Variants in ZCWPW1 observed in about 807,000 individuals in gnomAD.
ZCWPW1 encodes zinc finger CW-type PWWP domain protein 1.
Under a neutral mutation model 81.3 loss-of-function variants are expected in ZCWPW1, and 56 were observed. That is an observed-to-expected ratio of 0.69 (90% CI 0.56 to 0.86). ZCWPW1 has a LOEUF of 0.86. ZCWPW1 is among the 40% of genes least tolerant of loss of function. ZCWPW1 has a pLI of 0.00. For missense variants in ZCWPW1, 650 were observed against 769.8 expected, an observed-to-expected ratio of 0.84 and a Z score of 1.84; for synonymous variants, 250 against 273.7, an observed-to-expected ratio of 0.91 and a Z score of 0.86.
intron 2 of ZCWPW1, among the ~76,000 whole-genome samples, chr7:100,422,324 A>G (rs1296720037): frequency 2.0e-5 from 3 of 152,216 alleles, no homozygotes; most frequent in African/African-American, 7.2e-5. Context: ...ATACATTAAT[A>G]GCGTATACTG....
In ZCWPW1 at chr7:100,417,044, T is replaced by G. The variant is rs547987159; in HGVS notation, c.479+22A>C. 353 of 1,569,084 alleles carry G rather than the reference T, an allele frequency of 2.2e-4. 5 individuals carry two copies. The South Asian group carries it at 3.8e-3, about 17-fold the overall frequency. On this transcript the variant is annotated intron_variant, in intron 6 of 17. Coordinates refer to ENST00000684423, the MANE Select transcript of ZCWPW1 (RefSeq NM_001386010.1). ...TGTGTAGTCCATTCTGTGTTCAACT[T>G]GCCTCACTGAAATAAACTTACCCAT...
At chr7:100,408,397 C>G (rs1793497413) in intron 10 of ZCWPW1, 142 bp downstream of exon 10, 1 of 1,220,314 alleles carries the variant, frequency 8.2e-7, no homozygotes, top group Non-Finnish European at 1.1e-6. Context: ...AGGCTTGGTA[C>G]TTTATCTTTT....
At chr7:100,423,213 T>C (rs796104280) in intron 2 of ZCWPW1, among the ~76,000 whole-genome samples, 7 of 152,306 alleles carry the variant, frequency 4.6e-5, no homozygotes, top group African/African-American at 1.7e-4. Context: ...CCCAGGACTT[T>C]TGCCTCTCAA....
intron 8 of ZCWPW1, among the ~76,000 whole-genome samples, chr7:100,414,500 C>T (rs1466064226): frequency 6.6e-6 from 1 of 152,080 alleles, no homozygotes; most frequent in Non-Finnish European, 1.5e-5. Context: ...ACTGCAGCCT[C>T]CAATTCCTGG....
At position 100,404,995 on chromosome 7, in the gene ZCWPW1, G is replaced by T. The variant is rs753016718; in HGVS notation, c.1254+18C>A. Reference sequence around the variant, plus strand: ...AAGAGTAGGGAAAGGAATGGGTGTGGTCTGAACACCCTCCCACCTGAATGC... The same window carrying T: ...AAGAGTAGGGAAAGGAATGGGTGTGTTCTGAACACCCTCCCACCTGAATGC... On this transcript the variant is annotated intron_variant, in intron 13 of 17. Coordinates refer to ENST00000684423, the MANE Select transcript of ZCWPW1 (RefSeq NM_001386010.1). The T allele has an allele frequency of 6.2e-7, 1 of 1,610,868 alleles. No individual in the cohort carries two copies. The highest frequency in any genetic ancestry group is 1.1e-5 in the South Asian group (1 of 91,000).
At chr7:100,416,591 C>A in intron 6 of ZCWPW1, 135 bp from the exon 7 acceptor site, 1 of 860,110 alleles carries the variant, frequency 1.2e-6, no homozygotes, top group Non-Finnish European at 1.8e-6. Context: ...TTTCATCCAT[C>A]TACTTGCCTA....
chr7:100,406,799 C>A lies in ZCWPW1; in HGVS notation c.1069-1G>T. 6.2e-7 allele frequency: 1 copy of A among 1,613,774 alleles called. No homozygotes were observed. The highest frequency in any genetic ancestry group is 1.3e-5 in the African/African-American group (1 of 75,032). On this transcript the variant is annotated splice_acceptor_variant, in intron 11 of 17. Transcript: ENST00000684423. LOFTEE classifies it high-confidence loss of function. ...CAAAAAACGTCACATGGTACTTAGA[C>A]TGAAATAAAAGATGATCCTGTTACG...
In ZCWPW1 at chr7:100,406,832, G is replaced by A. The variant is rs1198993868; in HGVS notation, c.1069-34C>T. ...AAAGATGATCCTGTTACGGACTCCT[G>A]TCCTGCTCCCTGCTTTTCTCCTCTA... On this transcript the variant is annotated intron_variant, in intron 11 of 17. Transcript: ENST00000684423. 8 of 1,580,016 alleles carry A rather than the reference G, an allele frequency of 5.1e-6. No homozygotes were observed. In the South Asian group the frequency reaches 8.9e-5, roughly 18 times the overall value.
rs1440122223 is a variant in ZCWPW1, at chr7:100,416,081, C to G, written c.648G>C (p.Glu216Asp). The change falls in exon 8 of 18, where the codon GAG (glutamate) becomes GAC (aspartate). Residue 216 changes from glutamate to aspartate, a missense_variant. Transcript: ENST00000684423. ...RKKEAQDEKV[E>D]KTQGGHEHRQ... The stretch of plus-strand genomic sequence containing the variant: ...TGTGCTCATGTCCACCTTGAGTTTT[C>G]TCCACCTTCTCATCTTCTGGGAAGA... 1.2e-6 allele frequency: 2 copies of G among 1,613,834 alleles called. No individual in the cohort carries two copies. The highest frequency in any genetic ancestry group is 2.7e-5 in the African/African-American group (2 of 74,926).
At chr7:100,401,416 C>A in intron 17 of ZCWPW1, 80 bp from the exon 18 acceptor site, 1 of 1,252,568 alleles carries the variant, frequency 8.0e-7, no homozygotes, top group South Asian at 1.7e-5. Context: ...TCCTAAATCT[C>A]TATTTCCAAG....
At chr7:100,402,243 T>C in intron 16 of ZCWPW1, 1 of 789,476 alleles carries the variant, frequency 1.3e-6, no homozygotes, top group Non-Finnish European at 2.1e-6. Flanking sequence ...GATCTTCTTC[T>C]CTTTACAGTT....
intron 16 of ZCWPW1, 195 bp from the exon 17 acceptor site, chr7:100,402,236 C>T: frequency 1.2e-6 from 1 of 802,334 alleles, no homozygotes; most frequent in Non-Finnish European, 2.0e-6. Context: ...TCCCCTGGAT[C>T]TTCTTCTCTT....
At chr7:100,424,634 G>A (rs553902419) in intron 2 of ZCWPW1, among the ~76,000 whole-genome samples, 10 of 151,674 alleles carry the variant, frequency 6.6e-5, no homozygotes, top group African/African-American at 1.2e-4. Flanking sequence ...GCTAATTTTC[G>A]TATTTTTAGT....
At chr7:100,416,945 C>CAAA (rs377744181) in intron 6 of ZCWPW1, 121 bp downstream of exon 6, 110 of 587,348 alleles carry the variant, frequency 1.9e-4, no homozygotes, top group Middle Eastern at 5.0e-4. Flanking sequence ...GACTCCGTCT[C>CAAA]AAAAAAAAAA....
chr7:100,421,876 G>A (rs2130834733), intron 2 of ZCWPW1, among the ~76,000 whole-genome samples: 1 of 152,250 alleles, frequency 6.6e-6, no homozygotes, highest in East Asian at 1.9e-4. Context: ...ATTTTTAGTA[G>A]AGACGGAGTT....
chr7:100,412,212 G>C (rs1205671569), intron 8 of ZCWPW1, among the ~76,000 whole-genome samples: 1 of 152,176 alleles, frequency 6.6e-6, no homozygotes, highest in African/African-American at 2.4e-5. Context: ...CCATGGCTTT[G>C]AAATCTATTT....
chr7:100,420,446 C>G (rs558822739), intron 3 of ZCWPW1, among the ~76,000 whole-genome samples, 176 bp downstream of exon 3: 1 of 152,100 alleles, frequency 6.6e-6, no homozygotes, highest in African/African-American at 2.4e-5. Context: ...ATATGTTCCT[C>G]GAGCAGGACT....
At chr7:100,406,870 C>A in intron 11 of ZCWPW1, 72 bp from the exon 12 acceptor site, 1 of 1,390,014 alleles carries the variant, frequency 7.2e-7, no homozygotes, top group East Asian at 2.3e-5. Context: ...CAGAACAGAT[C>A]GGGAGAATGG....
At chr7:100,402,409 T>C in intron 16 of ZCWPW1, 107 bp downstream of exon 16, 1 of 1,235,746 alleles carries the variant, frequency 8.1e-7, no homozygotes, top group Non-Finnish European at 1.2e-6. Context: ...TTTTCTCAGG[T>C]CCTGGCACTG....
Sources: allele counts gnomAD v4.1 joint callset (sites outside exome capture counted in the v4.1 genomes callset), GRCh38; gene constraint gnomAD v4.1.1; transcripts MANE v1.5; gene names NCBI Gene and HGNC (gene_info 2026-07-23, HGNC 2026-07-21).